S1PR3: variants seen among roughly 807,000 people sequenced by gnomAD.
The protein encoded by S1PR3 is sphingosine 1-phosphate receptor 3.
S1PR3 carries 12 observed loss-of-function variants against 13.3 expected under a neutral mutation model. The ratio of observed to expected loss-of-function variants is 0.90; its 90% CI spans 0.58 to 1.46. S1PR3 has a LOEUF of 1.46. Among genes scored for constraint, S1PR3 ranks in the 40% most tolerant of loss-of-function variants. The pLI, the probability that S1PR3 is intolerant of heterozygous loss-of-function variation, is 0.00. For missense variants in S1PR3, 450 were observed against 501.9 expected (o/e 0.90, Z 0.99); for synonymous variants, 232 against 214.0 (o/e 1.08, Z -0.73).
At chr9:88,995,005 T>C (rs1032026071) in intron 1 of S1PR3, 16 of 167,060 alleles carry the variant, frequency 9.6e-5, no homozygotes, top group Admixed American at 5.9e-4. Context: ...CAAGGGAAAA[T>C]ACTCATTAGC....
In S1PR3 at chr9:89,001,894, CACA is replaced by C. The variant is rs769102040; in HGVS notation, c.700_702del (p.Asn234del). ...GTCCAGCAGCCGTAAGGTGGCCAACCACAACAACTCGGAGCGGTCCATGGCACT... is the reference window on the plus strand; with the variant it reads ...GTCCAGCAGCCGTAAGGTGGCCAACCACAACTCGGAGCGGTCCATGGCACT... On this transcript the variant is annotated inframe_deletion, in exon 2 of 2. Transcript: ENST00000358157. The C allele has an allele frequency of 1.9e-5, 30 of 1,614,224 alleles. No individual in the cohort carries two copies. In the African/African-American group the frequency reaches 2.9e-4, roughly 16 times the overall value.
chr9:88,996,920 T>G (rs1426518030), intron 1 of S1PR3: 1 of 152,254 alleles, frequency 6.6e-6, no homozygotes, highest in Non-Finnish European at 1.5e-5. Flanking sequence ...CTGGTACCCC[T>G]CAGGAGCGGA....
chr9:88,994,251 CG>C (rs1825769707), intron 1 of S1PR3: 1 of 167,446 alleles, frequency 6.0e-6, no homozygotes, highest in Non-Finnish European at 1.5e-5. Flanking sequence ...CCCCCAGCCT[CG>C]GTCTCCTCCT....
upstream of S1PR3, chr9:88,991,133 G>A (rs1431075296): frequency 2.5e-6 from 4 of 1,611,708 alleles, no homozygotes; most frequent in African/African-American, 1.3e-5. The surrounding 1 kb of genome is among the most constrained non-coding windows in gnomAD (Gnocchi z 4.0). Context: ...TGTTCCCGCT[G>A]GGTCTCTGGG....
rs566426082 is a variant in S1PR3 at position 89,005,109 on chromosome 9, T to A, written c.*2772T>A. 6.3e-6 allele frequency: 1 copy of A among 157,692 alleles called. No individual in the cohort carries two copies. The highest frequency in any genetic ancestry group is 6.5e-5 in the Admixed American group (1 of 15,306). The allele number at this position is 157,692 out of a possible 1,614,324, so 9.8% of individuals were successfully genotyped here. On this transcript the variant is annotated 3_prime_UTR_variant, in exon 2 of 2. Transcript: ENST00000358157. ...TGTTGTTGCAGGCTTGCTACCCACC[T>A]GTGTTTCTTAGCATTTCAGGAATTA...
chr9:89,001,283 TGGC>T lies in S1PR3; in HGVS notation c.86_88del (p.Ala29del). ...GAGCATTACCAGTACGTGGGGAAGT[TGGC>T]GGGCAGGCTGAAGGAGGCCTCCGAG... On this transcript the variant is annotated inframe_deletion, in exon 2 of 2. Coordinates refer to ENST00000358157, the MANE Select transcript of S1PR3 (RefSeq NM_005226.4). 1 of 1,614,158 alleles carries T rather than the reference TGGC, an allele frequency of 6.2e-7. No individual in the cohort carries two copies. Among genetic ancestry groups the T allele is most frequent in the Middle Eastern group, 1.6e-4 (1 of 6,062 alleles).
upstream of S1PR3, chr9:88,991,429 C>CG: frequency 6.5e-7 from 1 of 1,535,514 alleles, no homozygotes; most frequent in Non-Finnish European, 8.8e-7. The surrounding 1 kb of genome is among the most constrained non-coding windows in gnomAD (Gnocchi z 4.0). Flanking sequence ...CCCGCCCCGG[C>CG]GGGCCGCTGG....
chr9:88,993,845 T>C (rs932627522), intron 1 of S1PR3: 6 of 152,328 alleles, frequency 3.9e-5, no homozygotes, highest in Non-Finnish European at 7.4e-5. Context: ...GTGACGAGAT[T>C]GTCCAGTGCA....
rs994138840 is a variant in S1PR3 at position 89,001,068 on chromosome 9, C to T, written c.-133C>T. On this transcript the variant is annotated 5_prime_UTR_variant, in exon 2 of 2. It adds an upstream start codon to the 5' untranslated region. Transcript: ENST00000358157. Reference sequence around the variant, plus strand: ...TCTGTTGGCAGGAGCCCTTTTTCAACGCCCTCGCTGGAGTCTGGCCTGCAC... The same window carrying T: ...TCTGTTGGCAGGAGCCCTTTTTCAATGCCCTCGCTGGAGTCTGGCCTGCAC... The T allele has an allele frequency of 7.7e-6, 8 of 1,037,816 alleles. No individual in the cohort carries two copies. The highest frequency in any genetic ancestry group is 8.4e-6 in the Non-Finnish European group (6 of 712,308). The allele number at this position is 1,037,816 out of a possible 1,614,324, so 64.3% of individuals were successfully genotyped here. A position where few individuals can be genotyped will look rare whatever the true frequency, so the allele number is the denominator to read the frequency against.
Position 89,002,350 on chromosome 9 carries a change from G to T in S1PR3, c.*13G>T, listed in dbSNP as rs768278566. On this transcript the variant is annotated 3_prime_UTR_variant, in exon 2 of 2. Coordinates refer to ENST00000358157, the MANE Select transcript of S1PR3 (RefSeq NM_005226.4). ...CTTCTGCAACTGATCGTCTCCATGCGCCCTGCTCTGCGGCTGTGTTCTTAT... is the reference window on the plus strand; with the variant it reads ...CTTCTGCAACTGATCGTCTCCATGCTCCCTGCTCTGCGGCTGTGTTCTTAT... 6.2e-7 allele frequency: 1 copy of T among 1,611,804 alleles called. No individual in the cohort carries two copies. Among genetic ancestry groups the T allele is most frequent in the East Asian group, 2.2e-5 (1 of 44,840 alleles).
At chr9:88,995,157 G>A (rs1389547546) in intron 1 of S1PR3, 1 of 167,050 alleles carries the variant, frequency 6.0e-6, no homozygotes, top group African/African-American at 2.4e-5. Flanking sequence ...CAGTTTGGAG[G>A]ATGAACTAGT....
Position 89,004,218 on chromosome 9 carries a change from G to T in S1PR3, c.*1881G>T, listed in dbSNP as rs191082607. On this transcript the variant is annotated 3_prime_UTR_variant, in exon 2 of 2. Coordinates refer to ENST00000358157, the MANE Select transcript of S1PR3 (RefSeq NM_005226.4). Reference sequence around the variant, plus strand: ...GTTTGTGACCAGCCTGGCCAACATAGTGAAATCCTGTTTCTACTAAAAATA... The same window carrying T: ...GTTTGTGACCAGCCTGGCCAACATATTGAAATCCTGTTTCTACTAAAAATA... 1 of 152,380 alleles carries T rather than the reference G, an allele frequency of 6.6e-6. No individual in the cohort carries two copies. Among genetic ancestry groups the T allele is most frequent in the Non-Finnish European group, 1.5e-5 (1 of 68,012 alleles). 9.4% of individuals were successfully genotyped at this position (152,380 alleles called of 1,614,324 possible).
rs759954190 is a variant in S1PR3, at chr9:88,991,468, A to C, written c.-375A>C. 5.2e-6 allele frequency: 8 copies of C among 1,547,226 alleles called. No homozygotes were observed. In the Admixed American group the frequency reaches 1.6e-4, roughly 30 times the overall value. Reference sequence around the variant, plus strand: ...AGTTTAGTCTCTGACTCGCTCGGGCAGAGGCCGAGGAAGCCGGTTCCGGGG... The same window carrying C: ...AGTTTAGTCTCTGACTCGCTCGGGCCGAGGCCGAGGAAGCCGGTTCCGGGG... On this transcript the variant is annotated 5_prime_UTR_variant, in exon 1 of 2. Coordinates refer to ENST00000358157, the MANE Select transcript of S1PR3 (RefSeq NM_005226.4). The surrounding 1 kb of genome is among the most constrained non-coding windows in gnomAD (Gnocchi z 4.0).
upstream of S1PR3, chr9:88,991,097 C>T: frequency 2.5e-6 from 4 of 1,613,312 alleles, no homozygotes; most frequent in Non-Finnish European, 3.4e-6. This position sits in a 1 kb window ranked among gnomAD's most constrained non-coding sequence, Gnocchi z 4.0. Flanking sequence ...CCGCCCAAGC[C>T]CAGACCTCGG....
chr9:88,991,128 CCGCTGGGTCT>C, upstream of S1PR3: 1 of 1,612,372 alleles, frequency 6.2e-7, no homozygotes, highest in Non-Finnish European at 8.5e-7. This position sits in a 1 kb window ranked among gnomAD's most constrained non-coding sequence, Gnocchi z 4.0. Context: ...AAGCCTGTTC[CCGCTGGGTCT>C]CTGGGCGCCC....
intron 1 of S1PR3, chr9:88,992,196 A>G: frequency 3.0e-6 from 2 of 656,330 alleles, no homozygotes; most frequent in Non-Finnish European, 5.1e-6. Flanking sequence ...TCCCACGGAA[A>G]ATCAGTACGT....
chr9:88,991,229 C>A, upstream of S1PR3: 1 of 1,565,814 alleles, frequency 6.4e-7, no homozygotes, highest in South Asian at 1.2e-5. The surrounding 1 kb of genome is among the most constrained non-coding windows in gnomAD (Gnocchi z 4.0). Flanking sequence ...GCGAGCCGGA[C>A]CCTAGGGGAT....
rs1825895493 is a variant in S1PR3 at position 89,003,390 on chromosome 9, C to CTGGCACTGTGA, written c.*1053_*1054insTGGCACTGTGA. The CTGGCACTGTGA allele has an allele frequency of 6.0e-6, 1 of 167,138 alleles. No homozygotes were observed. The highest frequency in any genetic ancestry group is 1.5e-5 in the Non-Finnish European group (1 of 68,130). 10.4% of individuals were successfully genotyped at this position (167,138 alleles called of 1,614,324 possible). On this transcript the variant is annotated 3_prime_UTR_variant, in exon 2 of 2. Coordinates refer to ENST00000358157, the MANE Select transcript of S1PR3 (RefSeq NM_005226.4). ...GCTGTGGCCACCGGCAGTTTCACAG[C>CTGGCACTGTGA]ATCCTGAAAGCTGGCACTGATCGTG...
intron 1 of S1PR3, chr9:88,995,777 G>C (rs903300029): frequency 6.0e-6 from 1 of 167,064 alleles, no homozygotes; most frequent in African/African-American, 2.4e-5. Flanking sequence ...GGTGGTGGGC[G>C]GGGGTCTTCC....
Sources: allele counts gnomAD v4.1 joint callset, GRCh38; gene constraint gnomAD v4.1.1; non-coding constraint Gnocchi (gnomAD v3.1); transcripts MANE v1.5; gene names NCBI Gene and HGNC (gene_info 2026-07-23, HGNC 2026-07-21).